The following SYNRG variants were observed in gnomAD, a reference collection of about 807,000 sequenced individuals.
SYNRG encodes AP1 gamma subunit binding protein 1.
In SYNRG, 37 loss-of-function variants were observed where a neutral mutation model predicts 130.9. The ratio of observed to expected loss-of-function variants is 0.28; its 90% CI spans 0.22 to 0.37. The LOEUF (loss-of-function observed/expected upper bound fraction) is 0.37. Among genes scored for constraint, SYNRG ranks in the 10% least tolerant of loss-of-function variants. The probability of loss-of-function intolerance (pLI) is 1.00; values close to 1 mark genes in which losing one functional copy is unlikely to be tolerated. For synonymous variants in SYNRG, 539 were observed against 568.1 expected, an observed-to-expected ratio of 0.95 and a Z score of 0.73; for missense variants, 1,338 against 1,588.9, an observed-to-expected ratio of 0.84 and a Z score of 2.68.
intron 13 of SYNRG, among the ~76,000 whole-genome samples, chr17:37,555,775 A>T (rs150718955): frequency 3.5e-4 from 53 of 152,216 alleles, no homozygotes; most frequent in African/African-American, 1.1e-3. Flanking sequence ...GCATGGAGGC[A>T]CATGCCTGTA....
chr17:37,597,348 G>C (rs1859747080), intron 2 of SYNRG, among the ~76,000 whole-genome samples: 1 of 152,168 alleles, frequency 6.6e-6, no homozygotes, highest in African/African-American at 2.4e-5. Context: ...CTGACCGAGA[G>C]ACACACTATG....
intron 9 of SYNRG, 22 bp from the exon 10 acceptor site, chr17:37,570,907 T>C (rs1037572487): frequency 6.2e-7 from 1 of 1,605,076 alleles, no homozygotes; most frequent in Non-Finnish European, 8.5e-7. Flanking sequence ...AGAAAGAAAA[T>C]GGATTAGAGG....
Position 37,570,787 on chromosome 17 carries a change from C to G in SYNRG, c.1197G>C (p.Val399=). ...SGFSMTLPTP[V]SQPTVIPSGP... is the part of the protein sequence containing the mutation. ...CTGAAGGTATCACAGTTGGCTGACT[C>G]ACCGGTGTAGGCAGAGTCATAGAAA... Residue 399 remains valine, a synonymous_variant, in exon 10 of 22, where the codon GTG becomes GTC. Transcript: ENST00000612223. 1.9e-6 allele frequency: 3 copies of G among 1,614,194 alleles called. No individual in the cohort carries two copies. The highest frequency in any genetic ancestry group is 2.5e-6 in the Non-Finnish European group (3 of 1,180,032).
Position 37,553,833 on chromosome 17 carries a change from T to C in SYNRG, c.1890A>G (p.Pro630=), listed in dbSNP as rs2058893150. The change falls in exon 14 of 22, where the codon CCA becomes CCG. Residue 630 remains proline, a synonymous_variant. Transcript: ENST00000612223. ...TGCTAAACACAGCTGAAAAAGACAA[T>C]GGTTTCTCGCTGCTGCAATTAACTG... ...FSSVNCSSEK[P]LSFSAVFSTS... is the part of the protein sequence containing the mutation. 2 of 1,613,300 alleles carry C rather than the reference T, an allele frequency of 1.2e-6. No homozygotes were observed. The highest frequency in any genetic ancestry group is 1.7e-6 in the Non-Finnish European group (2 of 1,179,864).
chr17:37,566,340 A>C (rs1357279036), intron 11 of SYNRG, among the ~76,000 whole-genome samples: 1 of 145,600 alleles, frequency 6.9e-6, no homozygotes, highest in Non-Finnish European at 1.5e-5. Flanking sequence ...CTTACCCCCA[A>C]CCCTGTGCTC....
At chr17:37,538,300 AT>A (rs1568307358) in intron 18 of SYNRG, 23 bp downstream of exon 18, 2 of 1,520,328 alleles carry the variant, frequency 1.3e-6, no homozygotes, top group South Asian at 1.2e-5. Context: ...ATCATTTTCA[AT>A]AGTAAAATAT....
chr17:37,555,230 G>A (rs1024119850), intron 13 of SYNRG, among the ~76,000 whole-genome samples: 4 of 151,920 alleles, frequency 2.6e-5, no homozygotes, highest in African/African-American at 9.7e-5. Context: ...AGGTTCAAGC[G>A]ATTCTCCTGC....
chr17:37,595,586 G>C (rs909262047), intron 3 of SYNRG, among the ~76,000 whole-genome samples: 2 of 151,920 alleles, frequency 1.3e-5, no homozygotes, highest in African/African-American at 4.8e-5. Flanking sequence ...CCAACCCTCA[G>C]CATCACACAA....
chr17:37,604,314 C>A (rs1323333475), intron 1 of SYNRG, among the ~76,000 whole-genome samples: 4 of 151,804 alleles, frequency 2.6e-5, no homozygotes, highest in African/African-American at 9.7e-5. Context: ...TTCTGAATAA[C>A]TTGCTAAAGC....
At chr17:37,565,291 G>GA (rs2059849044) in intron 11 of SYNRG, among the ~76,000 whole-genome samples, 1 of 151,994 alleles carries the variant, frequency 6.6e-6, no homozygotes, top group Non-Finnish European at 1.5e-5. Context: ...TTCATTCAAG[G>GA]AAAGTATGGA....
intron 10 of SYNRG, among the ~76,000 whole-genome samples, chr17:37,570,143 C>CTTTTTT (rs11320959): frequency 8.8e-6 from 1 of 113,832 alleles, no homozygotes; most frequent in Non-Finnish European, 1.8e-5. Flanking sequence ...CATGCTGAGG[C>CTTTTTT]TTTTTTTTTT....
chr17:37,572,101 C>G (rs566483270), intron 8 of SYNRG, 114 bp from the exon 9 acceptor site: 1 of 871,624 alleles, frequency 1.1e-6, no homozygotes, highest in East Asian at 2.6e-5. Flanking sequence ...TTAATAGAAC[C>G]GAAGCCATGT....
chr17:37,523,713 A>T (rs1043788190), intron 19 of SYNRG, among the ~76,000 whole-genome samples: 4 of 152,094 alleles, frequency 2.6e-5, no homozygotes, highest in South Asian at 2.1e-4. Flanking sequence ...CAAACTCTGG[A>T]GGTGTGATTG....
chr17:37,558,121 A>G (rs1414564576), intron 13 of SYNRG, among the ~76,000 whole-genome samples: 4 of 152,244 alleles, frequency 2.6e-5, no homozygotes, highest in African/African-American at 9.6e-5. Context: ...TATCTGATAC[A>G]GGCACTGAGG....
chr17:37,524,057 G>A (rs2055510215), intron 19 of SYNRG, among the ~76,000 whole-genome samples: 2 of 152,206 alleles, frequency 1.3e-5, no homozygotes, highest in Admixed American at 6.5e-5. Context: ...ACAGCCCATC[G>A]TGGTGATGCC....
At chr17:37,602,255 T>TA (rs1028861733) in intron 1 of SYNRG, among the ~76,000 whole-genome samples, 8 of 151,606 alleles carry the variant, frequency 5.3e-5, no homozygotes, top group African/African-American at 1.9e-4. Context: ...GAGAATCACT[T>TA]GAACCCAGGA....
chr17:37,594,238 AATATTAATTATTTTAATTATATTAATT>A (rs2062508278), intron 3 of SYNRG, among the ~76,000 whole-genome samples: 1 of 141,076 alleles, frequency 7.1e-6, no homozygotes, highest in Non-Finnish European at 1.5e-5. Flanking sequence ...TATTAATTAC[AATATTAATTATTTTAATTATATTAATT>A]ACAATAATAT....
intron 3 of SYNRG, among the ~76,000 whole-genome samples, chr17:37,592,444 G>A (rs1291124494): frequency 1.3e-5 from 2 of 151,914 alleles, no homozygotes; most frequent in Non-Finnish European, 2.9e-5. Flanking sequence ...ACTCTTGGGC[G>A]TTTATCCCAA....
rs576602802 is a variant in SYNRG, at chr17:37,583,014, G to A, written c.589+1634C>T. Among the ~76,000 whole-genome samples, 36 of 148,870 alleles carry A rather than the reference G, an allele frequency of 2.4e-4. 1 individual carries two copies. In the South Asian group the frequency reaches 5.7e-3, roughly 24 times the overall value. On this transcript the variant is annotated intron_variant, in intron 6 of 21. Coordinates refer to ENST00000612223, the MANE Select transcript of SYNRG (RefSeq NM_007247.6). Reference sequence around the variant, plus strand: ...GTTTTTGGTTTTTTTTTTTTGAGATGGAGTCTCACTCTGTCGTCCAGGCTG... The same window carrying A: ...GTTTTTGGTTTTTTTTTTTTGAGATAGAGTCTCACTCTGTCGTCCAGGCTG...
Sources: allele counts gnomAD v4.1 joint callset (sites outside exome capture counted in the v4.1 genomes callset), GRCh38; gene constraint gnomAD v4.1.1; transcripts MANE v1.5; gene names NCBI Gene and HGNC (gene_info 2026-07-23, HGNC 2026-07-21).